TFAP2D: variants seen among roughly 807,000 people sequenced by gnomAD.
TFAP2D encodes the protein transcription factor AP-2 delta, also known as transcription factor AP-2-delta.
In TFAP2D, 9 loss-of-function variants were observed where a neutral mutation model predicts 43.6. That is an observed-to-expected ratio of 0.21 (90% confidence interval 0.12 to 0.36). The LOEUF is 0.36. TFAP2D is among the 10% of genes least tolerant of loss of function. The pLI is 1.00. For missense variants in TFAP2D, 513 were observed against 561.4 expected (o/e 0.91, Z 0.87); for synonymous variants, 256 against 224.9 (o/e 1.14, Z -1.24).
chr6:50,760,804 C>T (rs1170807660), intron 7 of TFAP2D, among the ~76,000 whole-genome samples: 1 of 151,806 alleles, frequency 6.6e-6, no homozygotes, highest in African/African-American at 2.4e-5. Context: ...AGTTGTGCTG[C>T]TTTAGAGATA....
At chr6:50,730,209 T>C (rs907952723) in intron 5 of TFAP2D, among the ~76,000 whole-genome samples, 1 of 152,172 alleles carries the variant, frequency 6.6e-6, no homozygotes, top group African/African-American at 2.4e-5. Context: ...ATCTATACTT[T>C]TTTTCAGATT....
chr6:50,724,899 G>T (rs1768786351), intron 3 of TFAP2D, among the ~76,000 whole-genome samples: 1 of 152,038 alleles, frequency 6.6e-6, no homozygotes, highest in African/African-American at 2.4e-5. Flanking sequence ...GAGCGTGCGT[G>T]CATCCATTTC....
At chr6:50,750,863 A>T (rs1356760826) in intron 6 of TFAP2D, among the ~76,000 whole-genome samples, 2 of 152,046 alleles carry the variant, frequency 1.3e-5, no homozygotes, top group East Asian at 1.9e-4. Flanking sequence ...ATTATGTCTT[A>T]AAAAATCACA....
At chr6:50,769,353 C>T (rs1581781121) in intron 7 of TFAP2D, among the ~76,000 whole-genome samples, 3 of 152,150 alleles carry the variant, frequency 2.0e-5, no homozygotes, top group Non-Finnish European at 2.9e-5. Flanking sequence ...TAACTTCCTC[C>T]AAATCACGAA....
chr6:50,715,651 C>T lies in TFAP2D; in HGVS notation c.537+38C>T, dbSNP rs1011622782. On this transcript the variant is annotated intron_variant, in intron 2 of 7. Coordinates refer to ENST00000008391, the MANE Select transcript of TFAP2D (RefSeq NM_172238.4). The stretch of plus-strand genomic sequence containing the variant: ...GCAGCGAATTTGTCTGCTCCCTCCC[C>T]TCTTCGCCCTCCCCCTGCCGCCCCA... 3.9e-6 allele frequency: 6 copies of T among 1,543,588 alleles called. No individual in the cohort carries two copies. The African/African-American group carries it at 6.8e-5, about 18-fold the overall frequency.
chr6:50,715,594 C>A lies in TFAP2D; in HGVS notation c.518C>A (p.Ala173Glu). Reference sequence around the variant, plus strand: ...GGGCCCAGCCTGGGGCTGGCCGCCGCGGGAGCAGACGACTTGCAGGTAAAT... The same window carrying A: ...GGGCCCAGCCTGGGGCTGGCCGCCGAGGGAGCAGACGACTTGCAGGTAAAT... Reference protein sequence around the residue: ...LPGPSLGLAAAGADDLQGSVE... With the variant: ...LPGPSLGLAAEGADDLQGSVE... The change falls in exon 2 of 8, where the codon GCG becomes GAG. Residue 173 changes from alanine to glutamate, a missense_variant. This residue lies in a region of TFAP2D where 311 missense variants were observed against 316.2 expected (regional missense o/e 0.98). Coordinates refer to ENST00000008391, the MANE Select transcript of TFAP2D (RefSeq NM_172238.4). The A allele has an allele frequency of 6.3e-7, 1 of 1,595,324 alleles. No individual in the cohort carries two copies. Among genetic ancestry groups the A allele is most frequent in the Non-Finnish European group, 8.5e-7 (1 of 1,169,686 alleles).
intron 7 of TFAP2D, among the ~76,000 whole-genome samples, chr6:50,760,472 G>T (rs1353847818): frequency 6.6e-6 from 1 of 151,948 alleles, no homozygotes; most frequent in Non-Finnish European, 1.5e-5. Flanking sequence ...TGCATCTAGG[G>T]TTGAGAACCA....
chr6:50,757,535 A>ATATATATAGAATATATATAATTATTC (rs1363138480), intron 7 of TFAP2D, among the ~76,000 whole-genome samples: 4 of 49,388 alleles, frequency 8.1e-5, no homozygotes, highest in African/African-American at 2.7e-4. Flanking sequence ...TAATTATTCT[A>ATATATATAGAATATATATAATTATTC]TATATATAGA....
At position 50,751,328 on chromosome 6, in the gene TFAP2D, A is replaced by G; in HGVS notation, c.1139+4A>G. On this transcript the variant is annotated splice_donor_region_variant and intron_variant, in intron 7 of 7. Coordinates refer to ENST00000008391, the MANE Select transcript of TFAP2D (RefSeq NM_172238.4). ...AGAGACATTTAACACATTTCAGGTAAGACTGGTTTTCCAGTTTGCTCAAAT... is the reference window on the plus strand; with the variant it reads ...AGAGACATTTAACACATTTCAGGTAGGACTGGTTTTCCAGTTTGCTCAAAT... 6.2e-7 allele frequency: 1 copy of G among 1,601,404 alleles called. No homozygotes were observed. The highest frequency in any genetic ancestry group is 1.1e-5 in the South Asian group (1 of 90,770).
At chr6:50,741,001 G>A (rs952596677) in intron 5 of TFAP2D, among the ~76,000 whole-genome samples, 1 of 151,734 alleles carries the variant, frequency 6.6e-6, no homozygotes, top group African/African-American at 2.4e-5. Context: ...TAAAATCAAC[G>A]AGCAAATTTA....
chr6:50,768,508 T>A (rs1452475789), intron 7 of TFAP2D, among the ~76,000 whole-genome samples: 1 of 152,020 alleles, frequency 6.6e-6, no homozygotes, highest in Admixed American at 6.6e-5. Context: ...CCCCTCCTTT[T>A]CTGTATGTCA....
intron 3 of TFAP2D, among the ~76,000 whole-genome samples, chr6:50,724,594 G>T (rs1270598506): frequency 6.6e-6 from 1 of 152,098 alleles, no homozygotes; most frequent in Non-Finnish European, 1.5e-5. Context: ...AGGCGCGGAG[G>T]CCGTGAGTAT....
intron 7 of TFAP2D, among the ~76,000 whole-genome samples, chr6:50,772,143 C>CA (rs1191310559): frequency 5.3e-5 from 8 of 150,196 alleles, no homozygotes; most frequent in African/African-American, 1.5e-4. Context: ...ATCGCAAGGA[C>CA]AAAAAACCAA....
rs575827283 is a variant in TFAP2D, at chr6:50,742,793, G to A, written c.884-2314G>A. Among the ~76,000 whole-genome samples the A allele has an allele frequency of 4.6e-5, 7 of 152,140 alleles. No homozygotes were observed. The South Asian group carries it at 1.5e-3, about 32-fold the overall frequency. On this transcript the variant is annotated intron_variant, in intron 5 of 7. Transcript: ENST00000008391. ...GTTACAAGATACTTTTGAAGCCTAA[G>A]GTCCACATGAGTTTATCCTCTGGTC...
At chr6:50,727,113 C>A (rs1042308371) in intron 3 of TFAP2D, among the ~76,000 whole-genome samples, 7 of 152,150 alleles carry the variant, frequency 4.6e-5, no homozygotes, top group African/African-American at 1.7e-4. Flanking sequence ...CCTGACATTC[C>A]CACTGATTAC....
intron 6 of TFAP2D, among the ~76,000 whole-genome samples, chr6:50,748,784 G>A (rs1769160157): frequency 6.6e-6 from 1 of 151,872 alleles, no homozygotes; most frequent in African/African-American, 2.4e-5. Flanking sequence ...AGGTAAAGCA[G>A]AATAGTTAAC....
chr6:50,744,884 C>G (rs985128173), intron 5 of TFAP2D, among the ~76,000 whole-genome samples: 5 of 152,096 alleles, frequency 3.3e-5, no homozygotes, highest in African/African-American at 1.2e-4. Flanking sequence ...AATTTTCCAC[C>G]TATCCCTGCC....
chr6:50,730,969 T>C (rs1440507894), intron 5 of TFAP2D, among the ~76,000 whole-genome samples: 3 of 152,116 alleles, frequency 2.0e-5, no homozygotes, highest in South Asian at 2.1e-4. Context: ...AAGCTGTCTA[T>C]GAAAGTACTG....
At position 50,713,878 on chromosome 6, in the gene TFAP2D, G is replaced by C; in HGVS notation, c.-178G>C. On this transcript the variant is annotated 5_prime_UTR_variant, in exon 1 of 8. Coordinates refer to ENST00000008391, the MANE Select transcript of TFAP2D (RefSeq NM_172238.4). ...AAATTTTGTTCCTACAGGTTTTTAA[G>C]TGGGTACGAGGCAAGGAGCTATCTG... 1 of 887,800 alleles carries C rather than the reference G, an allele frequency of 1.1e-6. No homozygotes were observed. The highest frequency in any genetic ancestry group is 1.7e-5 in the South Asian group (1 of 59,558). 55.0% of individuals were successfully genotyped at this position (887,800 alleles called of 1,614,324 possible).
Sources: gnomAD v4.1 joint callset for allele counts (sites outside exome capture counted in the v4.1 genomes callset) on GRCh38, gnomAD v4.1.1 for gene constraint, gnomAD v4.1.1 regional missense constraint, MANE v1.5 for transcripts, NCBI Gene and HGNC (gene_info 2026-07-23, HGNC 2026-07-21) for gene names.